The following SCFD1 variants were observed in gnomAD, a reference collection of about 807,000 sequenced individuals.
SCFD1 encodes the protein sec1 family domain containing 1, also known as sec1 family domain-containing protein 1.
SCFD1 carries 37 observed loss-of-function variants against 103.2 expected under a neutral mutation model. The observed-to-expected ratio is 0.36, with a 90% confidence interval of 0.28 to 0.47. The LOEUF is 0.47. Ranked by LOEUF, SCFD1 falls within the 20% of genes least tolerant of loss-of-function variation. The pLI is 1.00. For missense variants in SCFD1, 639 were observed against 761.2 expected (o/e 0.84, Z 1.89); for synonymous variants, 264 against 245.0 (o/e 1.08, Z -0.73).
chr14:30,735,813 C>CATT lies in SCFD1; in HGVS notation c.*205_*207dup. Reference sequence around the variant, plus strand: ...TCAGAAATAAAATTTCAACATTGTTCATTTTCTCTGATAAATCAGAAAGTA... The same window carrying CATT: ...TCAGAAATAAAATTTCAACATTGTTCATTATTTTCTCTGATAAATCAGAAAGTA... On this transcript the variant is annotated 3_prime_UTR_variant, in exon 25 of 25. Coordinates refer to ENST00000458591, the MANE Select transcript of SCFD1 (RefSeq NM_016106.4). 1 of 445,638 alleles carries CATT rather than the reference C, an allele frequency of 2.2e-6. No homozygotes were observed. The highest frequency in any genetic ancestry group is 4.0e-6 in the Non-Finnish European group (1 of 249,350). The allele number at this position is 445,638 out of a possible 1,614,324, so 27.6% of individuals were successfully genotyped here.
At chr14:30,675,092 A>G (rs1321915537) in intron 14 of SCFD1, 27 bp downstream of exon 14, 10 of 1,279,704 alleles carry the variant, frequency 7.8e-6, no homozygotes, top group East Asian at 2.4e-5. Context: ...CCCCCCCACA[A>G]TATGACTTGC....
chr14:30,661,242 T>G (rs1887421149), intron 10 of SCFD1, among the ~76,000 whole-genome samples: 1 of 152,190 alleles, frequency 6.6e-6, no homozygotes, highest in African/African-American at 2.4e-5. Context: ...ACAAACATGT[T>G]TTAATCCTTG....
intron 17 of SCFD1, among the ~76,000 whole-genome samples, chr14:30,704,888 A>G (rs1327590891): frequency 2.0e-5 from 3 of 152,202 alleles, no homozygotes; most frequent in African/African-American, 7.2e-5. Flanking sequence ...TTAAATAGGC[A>G]TATGTCCTAA....
At chr14:30,718,018 C>A (rs182532305) in intron 20 of SCFD1, among the ~76,000 whole-genome samples, 20 of 152,074 alleles carry the variant, frequency 1.3e-4, no homozygotes, top group Non-Finnish European at 2.1e-4. Flanking sequence ...ATGTAACTTA[C>A]CCAAGGACAC....
At position 30,694,800 on chromosome 14, in the gene SCFD1, T is replaced by C. The variant is rs1890579734; in HGVS notation, c.1270T>C (p.Tyr424His). The change falls in exon 15 of 25, where the codon TAT becomes CAT. Residue 424 changes from tyrosine to histidine, a missense_variant. Coordinates refer to ENST00000458591, the MANE Select transcript of SCFD1 (RefSeq NM_016106.4). ...AAGAAAATTGGATGTATATTTTGAA[T>C]ATGAAGAAAAAATAATGAGCAAAAC... The part of the protein sequence containing the change: ...KARKLDVYFE[Y>H]EEKIMSKTTL... The C allele has an allele frequency of 1.3e-6, 2 of 1,584,518 alleles. No individual in the cohort carries two copies. The highest frequency in any genetic ancestry group is 1.7e-6 in the Non-Finnish European group (2 of 1,171,228).
intron 11 of SCFD1, among the ~76,000 whole-genome samples, chr14:30,672,103 CTG>C (rs1180320964): frequency 6.6e-6 from 1 of 151,858 alleles, no homozygotes; most frequent in African/African-American, 2.4e-5. Context: ...CAATTATTCT[CTG>C]TTAACTCTGA....
At chr14:30,683,830 G>A (rs184477023) in intron 14 of SCFD1, among the ~76,000 whole-genome samples, 1 of 152,308 alleles carries the variant, frequency 6.6e-6, no homozygotes, top group East Asian at 1.9e-4. Context: ...TAGAAAGGAG[G>A]TATAACTCTT....
intron 14 of SCFD1, among the ~76,000 whole-genome samples, chr14:30,690,520 G>A (rs1314152818): frequency 4.7e-5 from 6 of 126,482 alleles, no homozygotes; most frequent in Admixed American, 7.9e-5. Flanking sequence ...GTGGTGCGCC[G>A]TTTCTTAAGC....
rs371121113 is a variant in SCFD1 at position 30,673,330 on chromosome 14, C to T, written c.1069C>T (p.Arg357Ter). 1.9e-6 allele frequency: 3 copies of T among 1,563,254 alleles called. No individual in the cohort carries two copies. Among genetic ancestry groups the T allele is most frequent in the Admixed American group, 1.7e-5 (1 of 57,446 alleles). ...CAGAGCACAGGAAGATGAGGTCAAA[C>T]GACTTAAAAGCATTATGGTAAGATT... is the stretch of plus-strand genomic sequence containing the variant. ...SYRAQEDEVK[R>*]LKSIMGLEGE... Residue 357 changes from arginine (R) to a stop codon, truncating the protein, a stop_gained, in exon 12 of 25, where the codon CGA (arginine) becomes TGA (stop). Coordinates refer to ENST00000458591, the MANE Select transcript of SCFD1 (RefSeq NM_016106.4). LOFTEE classifies it high-confidence loss of function.
intron 14 of SCFD1, among the ~76,000 whole-genome samples, chr14:30,676,906 G>C (rs1047655640): frequency 6.6e-6 from 1 of 152,184 alleles, no homozygotes; most frequent in Non-Finnish European, 1.5e-5. Flanking sequence ...AATTTTTATC[G>C]TGCTTATTAT....
At chr14:30,695,965 A>C (rs1890672937) in intron 15 of SCFD1, among the ~76,000 whole-genome samples, 1 of 152,218 alleles carries the variant, frequency 6.6e-6, no homozygotes, top group South Asian at 2.1e-4. Context: ...AGATTGTGGG[A>C]TCTACATAGA....
intron 23 of SCFD1, among the ~76,000 whole-genome samples, chr14:30,725,844 C>G (rs2139425485): frequency 6.6e-6 from 1 of 152,210 alleles, no homozygotes; most frequent in South Asian, 2.1e-4. Context: ...AAGCAGAAAC[C>G]AAGGGAATAT....
At chr14:30,702,624 C>T (rs7144204) in intron 17 of SCFD1, among the ~76,000 whole-genome samples, 74,947 of 151,872 alleles carry the variant, frequency 0.49, 21,462 homozygotes, top group African/African-American at 0.79. Flanking sequence ...AGTCAAAGAC[C>T]GAAATGTCTG....
intron 8 of SCFD1, among the ~76,000 whole-genome samples, chr14:30,649,823 T>G (rs571676836): frequency 6.6e-6 from 1 of 152,308 alleles, no homozygotes; most frequent in East Asian, 1.9e-4. Flanking sequence ...TTTCTTTTTT[T>G]AAAACTAAAA....
intron 19 of SCFD1, chr14:30,715,316 C>T (rs961059175): frequency 6.6e-6 from 1 of 152,032 alleles, no homozygotes; most frequent in African/African-American, 2.4e-5. Flanking sequence ...CATGGTGGCT[C>T]ACGCCTGTAA....
At chr14:30,671,213 A>C (rs1888507493) in intron 11 of SCFD1, among the ~76,000 whole-genome samples, 1 of 152,008 alleles carries the variant, frequency 6.6e-6, no homozygotes, top group African/African-American at 2.4e-5. Context: ...TTTTTTACTT[A>C]CAACTTTTTT....
Position 30,635,635 on chromosome 14 carries a change from G to A in SCFD1, c.312+1598G>A, listed in dbSNP as rs74931082. Among the ~76,000 whole-genome samples the A allele has an allele frequency of 5.3e-5, 8 of 152,080 alleles. No individual in the cohort carries two copies. In the East Asian group the frequency reaches 1.2e-3, roughly 22 times the overall value. ...AATATATTCCATTGTATGGATGTAC[G>A]AAATTTTATTCATCCTTTTACCACT... On this transcript the variant is annotated intron_variant, in intron 4 of 24. Transcript: ENST00000458591.
chr14:30,623,803 T>C (rs552261331), intron 1 of SCFD1, among the ~76,000 whole-genome samples: 33 of 152,288 alleles, frequency 2.2e-4, no homozygotes, highest in African/African-American at 7.0e-4. Flanking sequence ...AAATTTTTAC[T>C]GTCATTGAAT....
intron 10 of SCFD1, among the ~76,000 whole-genome samples, chr14:30,664,958 T>C (rs542796178): frequency 6.6e-6 from 1 of 152,302 alleles, no homozygotes; most frequent in Admixed American, 6.5e-5. Flanking sequence ...TGGAACCAAG[T>C]TGGAAAACAC....
Sources: allele counts gnomAD v4.1 joint callset (sites outside exome capture counted in the v4.1 genomes callset), GRCh38; gene constraint gnomAD v4.1.1; transcripts MANE v1.5; gene names NCBI Gene and HGNC (gene_info 2026-07-23, HGNC 2026-07-21).